Variants in NAALADL2 observed in about 807,000 individuals in gnomAD.
NAALADL2 encodes N-acetylated alpha-linked acidic dipeptidase like 2, also known as inactive N-acetylated-alpha-linked acidic dipeptidase-like protein 2.
NAALADL2 carries 76 observed loss-of-function variants against 87.2 expected under a neutral mutation model. The observed-to-expected ratio is 0.87, with a 90% CI of 0.72 to 1.05. The LOEUF is 1.05. Among genes scored for constraint, NAALADL2 ranks in the 50% least tolerant of loss-of-function variants. The probability of loss-of-function intolerance (pLI) is 0.00; values close to 1 mark genes in which losing one functional copy is unlikely to be tolerated. For synonymous variants in NAALADL2, 354 were observed against 331.0 expected (o/e 1.07, Z -0.75); for missense variants, 1,089 against 945.8 (o/e 1.15, Z -1.99).
intron 4 of NAALADL2, among the ~76,000 whole-genome samples, chr3:175,258,741 T>C (rs1750510437): frequency 6.6e-6 from 1 of 152,072 alleles, no homozygotes; most frequent in South Asian, 2.1e-4. Flanking sequence ...TTAATGTATG[T>C]CCCCTGCAAT....
chr3:174,944,614 T>C (rs1739131695), intron 1 of NAALADL2, among the ~76,000 whole-genome samples: 1 of 152,192 alleles, frequency 6.6e-6, no homozygotes, highest in Admixed American at 6.5e-5. Flanking sequence ...TTTGTCATGG[T>C]TGCAGATTCT....
chr3:174,812,480 C>T (rs1426511590), intron 3 of NAALADL2, among the ~76,000 whole-genome samples: 2 of 152,112 alleles, frequency 1.3e-5, no homozygotes, highest in African/African-American at 4.8e-5. Flanking sequence ...TAATAAACAA[C>T]TATGTTCCTG....
chr3:174,596,238 A>G (rs1717889440), intron 2 of NAALADL2, among the ~76,000 whole-genome samples: 1 of 152,102 alleles, frequency 6.6e-6, no homozygotes, highest in Non-Finnish European at 1.5e-5. Context: ...GAAATTGCTT[A>G]TGGTAAAGCC....
At chr3:174,642,507 TA>T (rs10576356) in intron 2 of NAALADL2, among the ~76,000 whole-genome samples, 17,259 of 122,298 alleles carry the variant, frequency 0.14, 1,174 homozygotes, top group South Asian at 0.29. Flanking sequence ...TCTCTGGGGA[TA>T]AAAAAAAAAA....
At chr3:175,225,522 A>G (rs941274747) in intron 2 of NAALADL2, among the ~76,000 whole-genome samples, 15 of 152,132 alleles carry the variant, frequency 9.9e-5, no homozygotes, top group African/African-American at 3.6e-4. Flanking sequence ...TGTGTTAATG[A>G]CAAGAAAAGG....
chr3:174,716,735 C>A (rs947433867), intron 2 of NAALADL2, among the ~76,000 whole-genome samples: 1 of 151,862 alleles, frequency 6.6e-6, no homozygotes, highest in African/African-American at 2.4e-5. Context: ...TATCCACACA[C>A]CTACACACAT....
At chr3:174,578,658 A>T (rs1715813484) in intron 2 of NAALADL2, among the ~76,000 whole-genome samples, 1 of 151,944 alleles carries the variant, frequency 6.6e-6, no homozygotes, top group Admixed American at 6.6e-5. Flanking sequence ...ACAGATGGTA[A>T]CTTTGATGTA....
At chr3:175,187,001 T>C (rs955318312) in intron 2 of NAALADL2, among the ~76,000 whole-genome samples, 5 of 152,176 alleles carry the variant, frequency 3.3e-5, no homozygotes, top group African/African-American at 1.2e-4. Context: ...TCATTTTCTG[T>C]CTTTTATTTT....
At position 174,581,314 on chromosome 3, in the gene NAALADL2, T is replaced by C. The variant is rs533443799; in HGVS notation, c.-115+30677T>C. Among the ~76,000 whole-genome samples the C allele has an allele frequency of 2.0e-4, 30 of 152,212 alleles. No individual in the cohort carries two copies. In the South Asian group the frequency reaches 2.1e-3, roughly 11 times the overall value. Reference sequence around the variant, plus strand: ...TTTATATTAAGGCAGGGAAAGTATATGCAAAACATGAAATAAAATCTGGGT... The same window carrying C: ...TTTATATTAAGGCAGGGAAAGTATACGCAAAACATGAAATAAAATCTGGGT... On this transcript the variant is annotated intron_variant, in intron 2 of 3. Coordinates refer to the NAALADL2 transcript ENST00000434257.
chr3:174,575,823 C>T (rs1361281571), intron 2 of NAALADL2, among the ~76,000 whole-genome samples: 2 of 152,068 alleles, frequency 1.3e-5, no homozygotes, highest in Non-Finnish European at 2.9e-5. Context: ...GCCTATTGTG[C>T]CCCAGACACT....
At chr3:174,714,046 A>G (rs1282702500) in intron 2 of NAALADL2, among the ~76,000 whole-genome samples, 1 of 150,798 alleles carries the variant, frequency 6.6e-6, no homozygotes, top group African/African-American at 2.4e-5. Context: ...AGCACCATTT[A>G]TTAAATAGGG....
At chr3:175,396,117 T>C (rs1483341096) in intron 5 of NAALADL2, among the ~76,000 whole-genome samples, 1 of 152,170 alleles carries the variant, frequency 6.6e-6, no homozygotes, top group Non-Finnish European at 1.5e-5. Context: ...CCCATATATG[T>C]GACAAATATC....
At chr3:174,989,646 G>A (rs9863190) in intron 1 of NAALADL2, among the ~76,000 whole-genome samples, 28,114 of 151,918 alleles carry the variant, frequency 0.19, 4,523 homozygotes, top group African/African-American at 0.43. Context: ...AAGGAAAGAA[G>A]AAATGATTAT....
At chr3:174,644,912 T>C (rs1319047859) in intron 2 of NAALADL2, among the ~76,000 whole-genome samples, 1 of 152,240 alleles carries the variant, frequency 6.6e-6, no homozygotes, top group South Asian at 2.1e-4. Context: ...TTAAAAATTA[T>C]TATTTCTGAA....
intron 2 of NAALADL2, among the ~76,000 whole-genome samples, chr3:174,726,661 C>G (rs1052677203): frequency 1.3e-5 from 2 of 151,920 alleles, no homozygotes; most frequent in Non-Finnish European, 1.5e-5. Flanking sequence ...TTCTGTGACA[C>G]CGTTGTCTTA....
intron 3 of NAALADL2, among the ~76,000 whole-genome samples, chr3:174,803,692 A>T (rs1011870723): frequency 2.0e-5 from 3 of 152,206 alleles, no homozygotes; most frequent in African/African-American, 7.2e-5. Flanking sequence ...ATATATGGCT[A>T]GCCAGTTTTC....
intron 1 of NAALADL2, among the ~76,000 whole-genome samples, chr3:174,457,022 TA>T (rs1715886116): frequency 6.6e-6 from 1 of 151,530 alleles, no homozygotes; most frequent in African/African-American, 2.4e-5. Context: ...CAAGAAAAAA[TA>T]ATCCCATTAA....
chr3:174,803,704 C>A (rs900140274), intron 3 of NAALADL2, among the ~76,000 whole-genome samples: 2 of 152,106 alleles, frequency 1.3e-5, no homozygotes, highest in South Asian at 4.1e-4. Context: ...CCAGTTTTCC[C>A]GGCACCATTT....
chr3:174,704,502 T>A (rs1729873191), intron 2 of NAALADL2, among the ~76,000 whole-genome samples: 1 of 152,146 alleles, frequency 6.6e-6, no homozygotes, highest in Non-Finnish European at 1.5e-5. Context: ...AATTATAAAT[T>A]CATGCAAATA....
Sources: gnomAD v4.1 joint callset for allele counts (sites outside exome capture counted in the v4.1 genomes callset) on GRCh38, gnomAD v4.1.1 for gene constraint, MANE v1.5 for transcripts, NCBI Gene and HGNC (gene_info 2026-07-23, HGNC 2026-07-21) for gene names.